The following MYH10 variants were observed in gnomAD, a reference collection of about 807,000 sequenced individuals.
MYH10 encodes myosin-10.
In MYH10, 55 loss-of-function variants were observed where a neutral mutation model predicts 257.8. The observed-to-expected ratio is 0.21, with a 90% CI of 0.17 to 0.27. MYH10 has a LOEUF of 0.27. Ranked by LOEUF, MYH10 falls within the 10% of genes least tolerant of loss-of-function variation. The probability of loss-of-function intolerance (pLI) is 1.00; values close to 1 mark genes in which losing one functional copy is unlikely to be tolerated. For missense variants in MYH10, 1,631 were observed against 2,500.6 expected, an observed-to-expected ratio of 0.65 and a Z score of 7.42; for synonymous variants, 854 against 921.7, an observed-to-expected ratio of 0.93 and a Z score of 1.33.
intron 16 of MYH10, among the ~76,000 whole-genome samples, chr17:8,533,459 C>T (rs996161042): frequency 6.6e-6 from 1 of 152,172 alleles, no homozygotes; most frequent in Non-Finnish European, 1.5e-5. Flanking sequence ...CTGCCAACTT[C>T]ATTTCTACAA....
At chr17:8,536,289 C>A (rs1294611719) in intron 14 of MYH10, among the ~76,000 whole-genome samples, 4 of 152,144 alleles carry the variant, frequency 2.6e-5, no homozygotes, top group African/African-American at 9.7e-5. Context: ...TGTTCAGTGA[C>A]TGGCTGGAGA....
At chr17:8,624,758 C>T (rs1342740517) in intron 1 of MYH10, among the ~76,000 whole-genome samples, 1 of 152,210 alleles carries the variant, frequency 6.6e-6, no homozygotes. Flanking sequence ...ATAGTGGTTA[C>T]ACATTCAACC....
At chr17:8,619,749 C>A (rs1013788500) in intron 2 of MYH10, among the ~76,000 whole-genome samples, 1 of 151,992 alleles carries the variant, frequency 6.6e-6, no homozygotes, top group African/African-American at 2.4e-5. Context: ...CATGGTGAAA[C>A]CCCATCTCTA....
At chr17:8,564,315 A>C (rs1326575470) in intron 7 of MYH10, among the ~76,000 whole-genome samples, 1 of 152,228 alleles carries the variant, frequency 6.6e-6, no homozygotes, top group Non-Finnish European at 1.5e-5. Flanking sequence ...AAATATTTTC[A>C]CTGTAAGCAT....
chr17:8,503,252 C>A (rs192131381), intron 28 of MYH10, among the ~76,000 whole-genome samples: 43 of 151,288 alleles, frequency 2.8e-4, no homozygotes, highest in African/African-American at 9.8e-4. Context: ...CATCGTGCTC[C>A]GGCCTGGGCA....
At chr17:8,561,796 C>A (rs1494964) in intron 7 of MYH10, among the ~76,000 whole-genome samples, 146,769 of 152,186 alleles carry the variant, frequency 0.96, 71,006 homozygotes, top group East Asian at 1. Flanking sequence ...AGCTTGGTGT[C>A]CTTTTCACAC....
intron 13 of MYH10, among the ~76,000 whole-genome samples, chr17:8,542,632 G>A (rs2082321037): frequency 6.6e-6 from 1 of 152,262 alleles, no homozygotes; most frequent in African/African-American, 2.4e-5. Context: ...AAATAAATGA[G>A]ACAGTAAGAA....
intron 17 of MYH10, among the ~76,000 whole-genome samples, chr17:8,522,343 G>A (rs952847663): frequency 1.3e-5 from 2 of 152,282 alleles, no homozygotes; most frequent in East Asian, 3.9e-4. Context: ...AGAGAACCAA[G>A]ACCCCGGGAG....
intron 4 of MYH10, among the ~76,000 whole-genome samples, chr17:8,586,934 C>T (rs190610607): frequency 1.4e-4 from 22 of 152,272 alleles, no homozygotes; most frequent in Middle Eastern, 3.4e-3. Flanking sequence ...TGTTTCATGC[C>T]TCACTTTATG....
intron 28 of MYH10, among the ~76,000 whole-genome samples, chr17:8,503,492 G>A (rs1361498109): frequency 6.6e-6 from 1 of 151,954 alleles, no homozygotes; most frequent in African/African-American, 2.4e-5. Context: ...TCTCCAGCAC[G>A]GAGAGCCTCC....
chr17:8,475,516 G>T lies in MYH10; in HGVS notation c.*288C>A, dbSNP rs1027287304. On this transcript the variant is annotated 3_prime_UTR_variant, in exon 43 of 43. Transcript: ENST00000360416. ...GGGCCTGGAGTTTGTTTTAAAAAGG[G>T]TCTTACCATGTTTTATAAAATGGTC... is the stretch of plus-strand genomic sequence containing the variant. 3.2e-6 allele frequency: 1 copy of T among 314,704 alleles called. No homozygotes were observed. Among genetic ancestry groups the T allele is most frequent in the African/African-American group, 2.1e-5 (1 of 46,636 alleles). 19.5% of individuals were successfully genotyped at this position (314,704 alleles called of 1,614,324 possible).
intron 16 of MYH10, among the ~76,000 whole-genome samples, chr17:8,534,329 T>C (rs2082082540): frequency 6.6e-6 from 1 of 152,216 alleles, no homozygotes; most frequent in African/African-American, 2.4e-5. Flanking sequence ...CTTTGCTATG[T>C]CTCAGGCCCA....
chr17:8,511,015 C>CATATATATATA (rs2081250819), intron 24 of MYH10: 1 of 120,546 alleles, frequency 8.3e-6, no homozygotes, highest in African/African-American at 3.9e-5. Context: ...TCATGTACCC[C>CATATATATATA]ATATATATAT....
At chr17:8,570,766 T>C (rs1471157536) in intron 6 of MYH10, among the ~76,000 whole-genome samples, 1 of 152,170 alleles carries the variant, frequency 6.6e-6, no homozygotes, top group Non-Finnish European at 1.5e-5. Flanking sequence ...GGCTTTTAAA[T>C]TAGTGGCATT....
At chr17:8,581,601 T>C (rs80007163) in intron 4 of MYH10, among the ~76,000 whole-genome samples, 3,471 of 152,254 alleles carry the variant, frequency 0.023, 142 homozygotes, top group African/African-American at 0.078. Context: ...GCTTCAAAGA[T>C]AGATACATTC....
chr17:8,580,167 G>A (rs552013784), intron 4 of MYH10, among the ~76,000 whole-genome samples: 1 of 152,022 alleles, frequency 6.6e-6, no homozygotes, highest in Admixed American at 6.5e-5. Context: ...CCATACCTGT[G>A]GCATACTTCC....
Position 8,604,706 on chromosome 17 carries a change from C to A in MYH10, c.502+120G>T. 6.8e-6 allele frequency: 5 copies of A among 731,524 alleles called. No individual in the cohort carries two copies. In the South Asian group the frequency reaches 2.5e-4, roughly 37 times the overall value. 45.3% of individuals were successfully genotyped at this position (731,524 alleles called of 1,614,324 possible). On this transcript the variant is annotated intron_variant, in intron 3 of 42. Coordinates refer to ENST00000360416, the MANE Select transcript of MYH10 (RefSeq NM_001256012.3). ...CTCAATTTTTCTACAATAAACATTA[C>A]TTTTTTATTAATTTTAAAAAAATAA...
At position 8,518,713 on chromosome 17, in the gene MYH10, G is replaced by T. The variant is rs749683184; in HGVS notation, c.2422C>A (p.His808Asn). Residue 808 changes from histidine to asparagine, a missense_variant, in exon 21 of 43, where the codon CAC becomes AAC. This residue lies in a region of MYH10 where 116 missense variants were observed against 221.6 expected (regional missense o/e 0.52). Coordinates refer to ENST00000360416, the MANE Select transcript of MYH10 (RefSeq NM_001256012.3). ...KIFFRAGVLA[H>N]LEEERDLKIT... ...TTTAAATCTCTTTCTTCCTCTAAGT[G>T]TGCCAGAACTCCAGCTCTGAAAAAT... 21 of 1,614,102 alleles carry T rather than the reference G, an allele frequency of 1.3e-5. No homozygotes were observed. The South Asian group carries it at 1.6e-4, about 13-fold the overall frequency.
chr17:8,561,036 C>A lies in MYH10; in HGVS notation c.757-7018G>T, dbSNP rs1177552406. The A allele has an allele frequency of 3.5e-5, 20 of 566,834 alleles. 1 individual carries two copies. The East Asian group carries it at 5.8e-4, about 17-fold the overall frequency. 35.1% of individuals were successfully genotyped at this position (566,834 alleles called of 1,614,324 possible). A position where few individuals can be genotyped will look rare whatever the true frequency, so the allele number is the denominator to read the frequency against. On this transcript the variant is annotated intron_variant, in intron 7 of 42. Transcript: ENST00000360416. ...TAGCTCAGGAGAGCATCCCTCCATC[C>A]CACTTGCTCACAATATCCTGTAATC...
Sources: allele counts gnomAD v4.1 joint callset (sites outside exome capture counted in the v4.1 genomes callset), GRCh38; gene constraint gnomAD v4.1.1; regional missense constraint gnomAD v4.1.1; transcripts MANE v1.5; gene names NCBI Gene and HGNC (gene_info 2026-07-23, HGNC 2026-07-21).